Variants in HSPA4 observed in about 807,000 individuals in gnomAD.
HSPA4 encodes heat shock 70 kDa protein 4.
Under a neutral mutation model 106.2 loss-of-function variants are expected in HSPA4, and 25 were observed. That is an observed-to-expected ratio of 0.24 (90% CI 0.17 to 0.33). The LOEUF is 0.33. Ranked by LOEUF, HSPA4 falls within the 10% of genes least tolerant of loss-of-function variation. The pLI, the probability that HSPA4 is intolerant of heterozygous loss-of-function variation, is 1.00. For missense variants in HSPA4, 841 were observed against 996.0 expected (o/e 0.84, Z 2.10); for synonymous variants, 332 against 333.6 (o/e 1.00, Z 0.05).
In HSPA4 at chr5:133,055,376, G is replaced by A. The variant is rs146434423; in HGVS notation, c.107+3019G>A. Among the ~76,000 whole-genome samples the A allele has an allele frequency of 1.1e-3, 122 of 115,730 alleles. 1 individual carries two copies. Among genetic ancestry groups the A allele is most frequent in the African/African-American group, 4.0e-3 (118 of 29,834 alleles). The allele number at this position is 115,730 out of a possible 152,430, so 75.9% of individuals were successfully genotyped here. On this transcript the variant is annotated intron_variant, in intron 1 of 18. Transcript: ENST00000304858. The stretch of plus-strand genomic sequence containing the variant: ...GGAGGAATGGATTTGGAGCTCATAT[G>A]TAAAAAAGACTGCATGTTGTGGGTT...
At chr5:133,071,056 T>G (rs1765374995) in intron 4 of HSPA4, among the ~76,000 whole-genome samples, 1 of 152,156 alleles carries the variant, frequency 6.6e-6, no homozygotes, top group African/African-American at 2.4e-5. Flanking sequence ...TTCCTGTATT[T>G]TTTTCATCGC....
chr5:133,091,398 T>C, intron 12 of HSPA4, 24 bp downstream of exon 12: 1 of 1,573,668 alleles, frequency 6.4e-7, no homozygotes, highest in Non-Finnish European at 8.7e-7. Context: ...TGTATACCAC[T>C]TGTGATGGCC....
chr5:133,098,497 T>A (rs1237542434), intron 15 of HSPA4, among the ~76,000 whole-genome samples: 13 of 150,040 alleles, frequency 8.7e-5, no homozygotes, highest in Admixed American at 3.3e-4. Context: ...TTTTTTGTAT[T>A]TTTTTTTAGT....
chr5:133,064,882 A>G, intron 1 of HSPA4, 98 bp from the exon 2 acceptor site: 1 of 1,000,750 alleles, frequency 1.0e-6, no homozygotes, highest in Non-Finnish European at 1.6e-6. Context: ...CCATTAAAAT[A>G]TATGGCATTT....
intron 2 of HSPA4, 133 bp from the exon 3 acceptor site, chr5:133,067,284 T>G (rs1032046712): frequency 2.8e-6 from 2 of 703,242 alleles, no homozygotes; most frequent in East Asian, 2.7e-5. Context: ...TAGAAAAGTT[T>G]AGGGTCTGAA....
intron 8 of HSPA4, among the ~76,000 whole-genome samples, chr5:133,087,773 G>A (rs570509666): frequency 2.0e-5 from 3 of 152,094 alleles, no homozygotes; most frequent in East Asian, 1.9e-4. Context: ...ACAGGCATGC[G>A]CCACTACTTC....
intron 1 of HSPA4, among the ~76,000 whole-genome samples, chr5:133,060,845 G>A (rs1765232955): frequency 7.9e-6 from 1 of 126,076 alleles, no homozygotes; most frequent in South Asian, 2.4e-4. Context: ...TTTGAGACAA[G>A]GTCTCGCTCT....
chr5:133,088,326 T>C, intron 8 of HSPA4, 78 bp from the exon 9 acceptor site: 1 of 1,032,358 alleles, frequency 9.7e-7, no homozygotes, highest in South Asian at 1.5e-5. Flanking sequence ...TTGTTACACA[T>C]CTGAGTTATT....
chr5:133,052,304 C>T lies in HSPA4; in HGVS notation c.54C>T (p.Ala18=). 1 of 1,593,452 alleles carries T rather than the reference C, an allele frequency of 6.3e-7. No homozygotes were observed. Residue 18 remains alanine, a synonymous_variant, in exon 1 of 19, where the codon GCC becomes GCT. Coordinates refer to ENST00000304858, the MANE Select transcript of HSPA4 (RefSeq NM_002154.4). ...LGFQSCYVAV[A]RAGGIETIAN... ...TCCAGAGCTGCTACGTCGCTGTGGC[C>T]CGCGCCGGCGGCATCGAGACTATCG...
chr5:133,095,108 G>A (rs1024115083), intron 13 of HSPA4, among the ~76,000 whole-genome samples: 2 of 152,128 alleles, frequency 1.3e-5, no homozygotes, highest in Non-Finnish European at 2.9e-5. Context: ...TCAGGAGTTC[G>A]AGACCAGCCT....
At chr5:133,070,606 T>A in intron 4 of HSPA4, 110 bp downstream of exon 4, 1 of 1,354,554 alleles carries the variant, frequency 7.4e-7, no homozygotes, top group Non-Finnish European at 1.0e-6. Flanking sequence ...AATGGTTATT[T>A]AAAATGTTTG....
chr5:133,073,139 A>G, intron 4 of HSPA4, 91 bp from the exon 5 acceptor site: 1 of 718,448 alleles, frequency 1.4e-6, no homozygotes, highest in African/African-American at 1.8e-5. Context: ...TATACAGAAT[A>G]AATTGCTGTA....
chr5:133,095,095 A>C (rs1386353324), intron 13 of HSPA4, among the ~76,000 whole-genome samples: 1 of 152,160 alleles, frequency 6.6e-6, no homozygotes, highest in Non-Finnish European at 1.5e-5. Flanking sequence ...GGATCACCTA[A>C]GGTCAGGAGT....
At chr5:133,095,080 G>A (rs1035642275) in intron 13 of HSPA4, among the ~76,000 whole-genome samples, 2 of 152,160 alleles carry the variant, frequency 1.3e-5, no homozygotes, top group African/African-American at 4.8e-5. Flanking sequence ...GGAGGCTGAG[G>A]CAGCGGATCA....
intron 6 of HSPA4, among the ~76,000 whole-genome samples, chr5:133,075,746 C>A (rs1033860127): frequency 2.6e-5 from 4 of 151,982 alleles, no homozygotes; most frequent in African/African-American, 9.7e-5. Context: ...GGCGGGATTG[C>A]TTGAGCCTGG....
In HSPA4 at chr5:133,103,800, A is replaced by G. The variant is rs777908678; in HGVS notation, c.2158-65A>G. The G allele has an allele frequency of 8.2e-5, 108 of 1,311,982 alleles. No homozygotes were observed. The Middle Eastern group carries it at 5.1e-3, about 62-fold the overall frequency. 81.3% of individuals were successfully genotyped at this position (1,311,982 alleles called of 1,614,324 possible). A position where few individuals can be genotyped will look rare whatever the true frequency, so the allele number is the denominator to read the frequency against. On this transcript the variant is annotated intron_variant, in intron 17 of 18. Coordinates refer to ENST00000304858, the MANE Select transcript of HSPA4 (RefSeq NM_002154.4). ...GTTTTTGAAAAATGGCAGAAACTAG[A>G]CAGTAGTTGCGGGGAGGGAGGGTAT...
intron 16 of HSPA4, among the ~76,000 whole-genome samples, chr5:133,100,420 G>A (rs1047998607): frequency 1.4e-5 from 2 of 139,802 alleles, no homozygotes; most frequent in Non-Finnish European, 3.1e-5. Flanking sequence ...TTTTTGAGAC[G>A]GAGCCTTGCT....
chr5:133,092,714 C>T lies in HSPA4; in HGVS notation c.1575C>T (p.Asp525=). 1.9e-6 allele frequency: 3 copies of T among 1,610,634 alleles called. No individual in the cohort carries two copies. The highest frequency in any genetic ancestry group is 2.5e-6 in the Non-Finnish European group (3 of 1,178,170). The change falls in exon 13 of 19, where the codon GAC becomes GAT. Residue 525 remains aspartate, a synonymous_variant. Transcript: ENST00000304858. ...CTGTTTTTCAGAAGATGCAAGTGGA[C>T]CAGGAGGAACCACATGTTGAAGAGC... ...NAKEEEKMQV[D]QEEPHVEEQQ... is the part of the protein sequence containing the mutation.
Position 133,052,272 on chromosome 5 carries a change from C to T in HSPA4, c.22C>T (p.Leu8=), listed in dbSNP as rs1190810262. 4.4e-6 allele frequency: 7 copies of T among 1,595,560 alleles called. No homozygotes were observed. The highest frequency in any genetic ancestry group is 6.0e-6 in the Non-Finnish European group (7 of 1,174,088). The stretch of plus-strand genomic sequence containing the variant: ...CGCCATGTCGGTGGTGGGCATAGAC[C>T]TGGGCTTCCAGAGCTGCTACGTCGC... MSVVGID[L]GFQSCYVAVA... Residue 8 remains leucine (L), a synonymous_variant, in exon 1 of 19, where the codon CTG becomes TTG. Transcript: ENST00000304858.
Sources: gnomAD v4.1 joint callset for allele counts (sites outside exome capture counted in the v4.1 genomes callset) on GRCh38, gnomAD v4.1.1 for gene constraint, MANE v1.5 for transcripts, NCBI Gene and HGNC (gene_info 2026-07-23, HGNC 2026-07-21) for gene names.